SIPA1L2: variants seen among roughly 807,000 people sequenced by gnomAD.
SIPA1L2 encodes the protein signal-induced proliferation-associated 1-like protein 2.
A neutral mutation model predicts 163.9 loss-of-function variants in SIPA1L2; 56 were observed. That is an observed-to-expected ratio of 0.34 (90% confidence interval 0.28 to 0.43). SIPA1L2 has a LOEUF of 0.43. Ranked by LOEUF, SIPA1L2 falls within the 20% of genes least tolerant of loss-of-function variation. SIPA1L2 has a pLI of 1.00. For missense variants in SIPA1L2, 1,974 were observed against 2,193.5 expected (o/e 0.90, Z 2.00); for synonymous variants, 877 against 865.7 (o/e 1.01, Z -0.23).
intron 19 of SIPA1L2, among the ~76,000 whole-genome samples, chr1:232,412,037 GT>G (rs1183446953): frequency 6.6e-6 from 1 of 152,126 alleles, no homozygotes. Context: ...ATTTATTATG[GT>G]CCTTGCACGA....
At chr1:232,499,388 G>A (rs747146026) in intron 3 of SIPA1L2, among the ~76,000 whole-genome samples, 9 of 152,208 alleles carry the variant, frequency 5.9e-5, no homozygotes, top group Non-Finnish European at 1.2e-4. Context: ...CAGCCTTACT[G>A]CTGATATGAA....
At chr1:232,516,592 A>G (rs1328306196) in intron 2 of SIPA1L2, among the ~76,000 whole-genome samples, 7 of 152,046 alleles carry the variant, frequency 4.6e-5, no homozygotes, top group Non-Finnish European at 1.0e-4. Flanking sequence ...TCCATTATGG[A>G]ACAGCTCTGA....
intron 2 of SIPA1L2, among the ~76,000 whole-genome samples, chr1:232,524,529 TAA>T (rs1236197070): frequency 2.6e-5 from 4 of 151,812 alleles, no homozygotes; most frequent in East Asian, 1.9e-4. Flanking sequence ...CCCAAGAAAA[TAA>T]GAGACTTATA....
chr1:232,520,501 T>C (rs1488550238), intron 2 of SIPA1L2, among the ~76,000 whole-genome samples: 1 of 152,238 alleles, frequency 6.6e-6, no homozygotes, highest in African/African-American at 2.4e-5. Flanking sequence ...TTTCGACGTT[T>C]TCCATGAGAC....
Position 232,441,352 on chromosome 1 carries a change from T to A in SIPA1L2, c.3581A>T (p.Tyr1194Phe). ...ATCTTTCTGCAGAGCTCTTTCTTTATAGGAACCCAGGACTTTGGAAGGTGG... is the reference window on the plus strand; with the variant it reads ...ATCTTTCTGCAGAGCTCTTTCTTTAAAGGAACCCAGGACTTTGGAAGGTGG... ...HGPPSKVLGS[Y>F]KERALQKDGS... The change falls in exon 14 of 23, where the codon TAT becomes TTT. Residue 1194 changes from tyrosine to phenylalanine, a missense_variant. By Grantham distance (22) the Tyr-to-Phe change is conservative (BLOSUM62 3). Transcript: ENST00000674635. The A allele has an allele frequency of 6.3e-7, 1 of 1,595,546 alleles. No homozygotes were observed. Among genetic ancestry groups the A allele is most frequent in the Non-Finnish European group, 8.5e-7 (1 of 1,175,826 alleles).
intron 11 of SIPA1L2, among the ~76,000 whole-genome samples, chr1:232,445,217 C>A (rs992040325): frequency 3.3e-5 from 5 of 152,196 alleles, no homozygotes; most frequent in African/African-American, 1.2e-4. Flanking sequence ...GAGGCTCCAG[C>A]AGAATAGTTT....
chr1:232,495,028 A>C (rs1291827467), intron 3 of SIPA1L2, among the ~76,000 whole-genome samples: 1 of 152,228 alleles, frequency 6.6e-6, no homozygotes. Context: ...TGCTTGCCAC[A>C]ATGATTTCTG....
At chr1:232,572,917 T>C (rs1659878489) in intron 2 of SIPA1L2, among the ~76,000 whole-genome samples, 1 of 151,412 alleles carries the variant, frequency 6.6e-6, no homozygotes, top group African/African-American at 2.4e-5. Context: ...TAGCTGGGAT[T>C]ACAGGCGTGA....
In SIPA1L2 at chr1:232,443,723, C is replaced by G. The variant is rs377488325; in HGVS notation, c.3354-38G>C. 3.2e-6 allele frequency: 5 copies of G among 1,557,132 alleles called. No homozygotes were observed. In the Admixed American group the frequency reaches 5.4e-5, roughly 17 times the overall value. On this transcript the variant is annotated intron_variant, in intron 11 of 22. Coordinates refer to ENST00000674635, the MANE Select transcript of SIPA1L2 (RefSeq NM_020808.5). ...GTAGAATCATTAACAGGGCACTGAA[C>G]TATCTGCCAAGCCCCTTGACCTGGC...
chr1:232,441,866 C>A lies in SIPA1L2; in HGVS notation c.3440G>T (p.Cys1147Phe), dbSNP rs1253734222. The A allele has an allele frequency of 5.0e-6, 8 of 1,610,864 alleles. No individual in the cohort carries two copies. Among genetic ancestry groups the A allele is most frequent in the Non-Finnish European group, 6.8e-6 (8 of 1,178,378 alleles). The change falls in exon 13 of 23, where the codon TGC becomes TTC. Residue 1147 changes from cysteine (C) to phenylalanine (F), a missense_variant and splice_region_variant. Around this residue, in one of 3 missense-constraint regions of SIPA1L2, gnomAD observed 1,079 missense variants for 1,150.7 expected, o/e 0.94. Transcript: ENST00000674635. ...PWRPQVGYDGCQSPLLLEHQG... is the reference protein window; with the variant it reads ...PWRPQVGYDGFQSPLLLEHQG... The stretch of plus-strand genomic sequence containing the variant: ...GTGTTCGAGCAGTAGAGGGGACTGG[C>A]ACCTGAAAAGAACACAGAGTTGAGC...
At chr1:232,528,078 T>TTATATA (rs67185229) in intron 2 of SIPA1L2, among the ~76,000 whole-genome samples, 5 of 96,126 alleles carry the variant, frequency 5.2e-5, no homozygotes, top group East Asian at 5.1e-4. Context: ...TAAGCAAGTT[T>TTATATA]TATATATATA....
intron 10 of SIPA1L2, among the ~76,000 whole-genome samples, chr1:232,448,074 C>T (rs1663319734): frequency 6.6e-6 from 1 of 152,180 alleles, no homozygotes; most frequent in South Asian, 2.1e-4. Context: ...GGCATCACAG[C>T]TCCCTAAAAG....
rs1482333450 is a variant in SIPA1L2 at position 232,630,129 on chromosome 1, A to G, written c.-579T>C. On this transcript the variant is annotated 5_prime_UTR_variant, in exon 1 of 23. Transcript: ENST00000674635. Reference sequence around the variant, plus strand: ...CTCCGCCAGCTCCTCCCGGGCTCCCAGTCTGCCGCGCCGGCTCCCGATGCC... The same window carrying G: ...CTCCGCCAGCTCCTCCCGGGCTCCCGGTCTGCCGCGCCGGCTCCCGATGCC... Among the ~76,000 whole-genome samples the G allele has an allele frequency of 2.0e-5, 3 of 150,942 alleles. No homozygotes were observed.
intron 2 of SIPA1L2, among the ~76,000 whole-genome samples, chr1:232,535,128 G>A (rs1381655416): frequency 6.6e-6 from 1 of 152,152 alleles, no homozygotes; most frequent in Admixed American, 6.5e-5. Context: ...TAAGTTCTGA[G>A]TCCACTAGTC....
At chr1:232,553,508 AGTATTTCCCT>A (rs1252452762) in intron 2 of SIPA1L2, among the ~76,000 whole-genome samples, 1 of 152,164 alleles carries the variant, frequency 6.6e-6, no homozygotes, top group African/African-American at 2.4e-5. Context: ...TCTTCTACCC[AGTATTTCCCT>A]GTTTCCTGTC....
chr1:232,502,084 T>C (rs575923648), intron 3 of SIPA1L2, among the ~76,000 whole-genome samples: 6 of 152,062 alleles, frequency 3.9e-5, no homozygotes, highest in Non-Finnish European at 5.9e-5. Flanking sequence ...TGCAATGTTA[T>C]AATTATAAAA....
intron 18 of SIPA1L2, among the ~76,000 whole-genome samples, chr1:232,420,503 C>A (rs942557709): frequency 1.6e-4 from 25 of 152,070 alleles, no homozygotes; most frequent in Non-Finnish European, 7.4e-5. Context: ...TCCAGCTCTC[C>A]CAAGCCTCAG....
At position 232,460,879 on chromosome 1, in the gene SIPA1L2, C is replaced by T. The variant is rs547177879; in HGVS notation, c.3095+8G>A. ...GAGTGAGCATTACTTGGGCCTCCCA[C>T]GCCTTACCTTCGGGGCGAGCCGTCA... is the stretch of plus-strand genomic sequence containing the variant. On this transcript the variant is annotated splice_region_variant and intron_variant, in intron 10 of 22. Coordinates refer to ENST00000674635, the MANE Select transcript of SIPA1L2 (RefSeq NM_020808.5). 23 of 1,610,088 alleles carry T rather than the reference C, an allele frequency of 1.4e-5. 2 individuals are homozygous for T. The highest frequency in any genetic ancestry group is 3.3e-4 in the Middle Eastern group (2 of 6,070).
chr1:232,514,436 GCTCA>G lies in SIPA1L2; in HGVS notation c.900_903del (p.Glu301ThrfsTer56). 1 of 1,614,198 alleles carries G rather than the reference GCTCA, an allele frequency of 6.2e-7. No individual in the cohort carries two copies. Among genetic ancestry groups the G allele is most frequent in the Non-Finnish European group, 8.5e-7 (1 of 1,180,054 alleles). On this transcript the variant is annotated frameshift_variant, in exon 3 of 23. Transcript: ENST00000674635. LOFTEE classifies it high-confidence loss of function. ...TCAGACGTGAACTTGAAAGTTTCGT[GCTCA>G]CTTTTAACAGTTCGAAGCTTTCGGA...
Sources: allele counts gnomAD v4.1 joint callset (sites outside exome capture counted in the v4.1 genomes callset), GRCh38; gene constraint gnomAD v4.1.1; regional missense constraint gnomAD v4.1.1; transcripts MANE v1.5; gene names NCBI Gene and HGNC (gene_info 2026-07-23, HGNC 2026-07-21).